The following PARVB variants were observed in gnomAD, a reference collection of about 807,000 sequenced individuals.
The protein encoded by PARVB is parvin beta, also known as beta-parvin.
In PARVB, 46 loss-of-function variants were observed where a neutral mutation model predicts 47.0. The ratio of observed to expected loss-of-function variants is 0.98; its 90% confidence interval spans 0.77 to 1.25. PARVB has a LOEUF of 1.25. Ranked by LOEUF, PARVB falls within the 50% of genes most tolerant of loss-of-function variation. The probability of loss-of-function intolerance (pLI) is 0.00; values close to 1 mark genes in which losing one functional copy is unlikely to be tolerated. For missense variants in PARVB, 473 were observed against 471.6 expected (o/e 1.00, Z -0.03); for synonymous variants, 196 against 196.3 (o/e 1.00, Z 0.01).
chr22:44,034,333 TG>T (rs1242071615), intron 1 of PARVB, among the ~76,000 whole-genome samples: 1 of 91,782 alleles, frequency 1.1e-5, no homozygotes, highest in Non-Finnish European at 2.7e-5. Context: ...TACATATATA[TG>T]TTTGAGATGG....
At chr22:44,045,909 G>A (rs1320142174) in intron 1 of PARVB, among the ~76,000 whole-genome samples, 2 of 152,146 alleles carry the variant, frequency 1.3e-5, no homozygotes, top group African/African-American at 4.8e-5. Context: ...GATCCCTCGA[G>A]ATTCCGTATG....
chr22:44,034,706 CTT>C lies in PARVB; in HGVS notation c.112+10276_112+10277del, dbSNP rs34429203. On this transcript the variant is annotated intron_variant, in intron 1 of 12. Transcript: ENST00000338758. ...CATGCAGTCAGAAATCCACGTGTAA[CTT>C]TTTTTTTTTTTTTTTTTTTTGAGAC... 5.9e-3 allele frequency among the ~76,000 whole-genome samples: 630 copies of C among 107,552 alleles called. 26 individuals are homozygous for C. In the East Asian group the frequency reaches 0.12, roughly 20 times the overall value. The allele number at this position is 107,552 out of a possible 152,430, so 70.6% of individuals were successfully genotyped here. A position where few individuals can be genotyped will look rare whatever the true frequency, so the allele number is the denominator to read the frequency against.
intron 1 of PARVB, among the ~76,000 whole-genome samples, chr22:44,067,810 C>G (rs1020762697): frequency 6.6e-6 from 1 of 152,242 alleles, no homozygotes; most frequent in African/African-American, 2.4e-5. Context: ...TGGGGACCTG[C>G]ATTAGTGCTG....
At chr22:44,000,119 C>T (rs2050399685) in intron 2 of PARVB, among the ~76,000 whole-genome samples, 1 of 152,226 alleles carries the variant, frequency 6.6e-6, no homozygotes, top group Non-Finnish European at 1.5e-5. Context: ...GGTTTTTCTT[C>T]TACCAAAGGA....
rs991691296 is a variant in PARVB at position 44,170,676 on chromosome 22, GC to G, written c.*2006del. On this transcript the variant is annotated 3_prime_UTR_variant, in exon 13 of 13. Coordinates refer to ENST00000338758, the MANE Select transcript of PARVB (RefSeq NM_013327.5). ...GTCGCAGTCAGTCCCTCGCTGTGGCGCCCCCCCCTCCCCCAGCTCCTTCCCA... is the reference window on the plus strand; with the variant it reads ...GTCGCAGTCAGTCCCTCGCTGTGGCGCCCCCCCTCCCCCAGCTCCTTCCCA... 2.3e-5 allele frequency: 3 copies of G among 132,304 alleles called. No homozygotes were observed. Among genetic ancestry groups the G allele is most frequent in the South Asian group, 2.2e-4 (1 of 4,550 alleles). The allele number at this position is 132,304 out of a possible 1,614,324, so 8.2% of individuals were successfully genotyped here.
Position 44,089,614 on chromosome 22 carries a change from C to T in PARVB, c.113-4314C>T, listed in dbSNP as rs953558917. 2.8e-4 allele frequency: 8 copies of T among 28,650 alleles called. No homozygotes were observed. Among genetic ancestry groups the T allele is most frequent in the East Asian group, 8.4e-4 (1 of 1,196 alleles). The allele number at this position is 28,650 out of a possible 1,614,324, so 1.8% of individuals were successfully genotyped here. ...CAGTAAACTGGCACCGTTCAGGTGG[C>T]GGGGGGGTCGGGGGAGGGGGGAAGC... On this transcript the variant is annotated intron_variant, in intron 1 of 12. Transcript: ENST00000338758. The surrounding 1 kb of genome is among the most constrained non-coding windows in gnomAD (Gnocchi z 4.0).
chr22:44,072,366 C>T (rs919781423), intron 1 of PARVB, among the ~76,000 whole-genome samples: 10 of 152,122 alleles, frequency 6.6e-5, no homozygotes, highest in Middle Eastern at 3.2e-3. Context: ...AGTTGGGCAT[C>T]AGATAGGACA....
At chr22:44,034,835 C>G (rs1167709326) in intron 1 of PARVB, among the ~76,000 whole-genome samples, 1 of 151,436 alleles carries the variant, frequency 6.6e-6, no homozygotes, top group Non-Finnish European at 1.5e-5. Context: ...CTCAGCTTCC[C>G]GAGTAGCTGG....
chr22:44,163,091 CA>C (rs2054087995), intron 11 of PARVB, among the ~76,000 whole-genome samples: 1 of 152,074 alleles, frequency 6.6e-6, no homozygotes, highest in Non-Finnish European at 1.5e-5. Flanking sequence ...CAGGTCTTTA[CA>C]GCCCTTCCTG....
chr22:44,011,512 G>A (rs1248831714), intron 2 of PARVB, among the ~76,000 whole-genome samples: 1 of 152,116 alleles, frequency 6.6e-6, no homozygotes, highest in Admixed American at 6.6e-5. Context: ...TCGGGAGGCT[G>A]AGGCAAGAAC....
chr22:44,095,180 A>G (rs2052271964), intron 2 of PARVB, among the ~76,000 whole-genome samples: 1 of 152,094 alleles, frequency 6.6e-6, no homozygotes, highest in Non-Finnish European at 1.5e-5. Context: ...ATCTCTCCAG[A>G]GTCAGCAAGG....
At chr22:44,055,224 TG>T (rs754412805) in intron 1 of PARVB, among the ~76,000 whole-genome samples, 6 of 152,188 alleles carry the variant, frequency 3.9e-5, no homozygotes, top group Non-Finnish European at 5.9e-5. Context: ...CCGTACCTCC[TG>T]TGCGCCTCCC....
chr22:44,102,451 C>T (rs928459804), intron 3 of PARVB, among the ~76,000 whole-genome samples: 3 of 152,206 alleles, frequency 2.0e-5, no homozygotes, highest in African/African-American at 7.2e-5. Flanking sequence ...TTGAGCAATG[C>T]TTGAGAGTTC....
At chr22:44,164,138 T>G (rs1011232395) in intron 12 of PARVB, among the ~76,000 whole-genome samples, 3 of 152,198 alleles carry the variant, frequency 2.0e-5, no homozygotes, top group African/African-American at 7.2e-5. Context: ...GCAGTGCCGG[T>G]TCTTTAATAA....
intron 1 of PARVB, among the ~76,000 whole-genome samples, chr22:44,042,951 G>A (rs1490243264): frequency 6.6e-6 from 1 of 152,204 alleles, no homozygotes; most frequent in African/African-American, 2.4e-5. Flanking sequence ...ACTTGTGTTT[G>A]TTTAAGGTTT....
At position 44,170,796 on chromosome 22, in the gene PARVB, T is replaced by C. The variant is rs1211094833; in HGVS notation, c.*2118T>C. On this transcript the variant is annotated 3_prime_UTR_variant, in exon 13 of 13. Transcript: ENST00000338758. Reference sequence around the variant, plus strand: ...GCATTCTCCGTAGTGAGCCTGGCCTTTCTGATCTTGTTAGCTTTTTGTCTT... The same window carrying C: ...GCATTCTCCGTAGTGAGCCTGGCCTCTCTGATCTTGTTAGCTTTTTGTCTT... The C allele has an allele frequency of 6.6e-6, 1 of 152,242 alleles. No individual in the cohort carries two copies. The highest frequency in any genetic ancestry group is 1.5e-5 in the Non-Finnish European group (1 of 68,040). 9.4% of individuals were successfully genotyped at this position (152,242 alleles called of 1,614,324 possible). A position where few individuals can be genotyped will look rare whatever the true frequency, so the allele number is the denominator to read the frequency against.
intron 10 of PARVB, among the ~76,000 whole-genome samples, chr22:44,154,542 T>TGTGTGTGTGTGTGTGGTTTATGTAGTCTG (rs1207127563): frequency 3.3e-5 from 5 of 150,116 alleles, no homozygotes; most frequent in Non-Finnish European, 5.9e-5. Flanking sequence ...TGGGTGTGTG[T>TGTGTGTGTGTGTGTGGTTTATGTAGTCTG]GTGTGTGTGT....
At chr22:44,033,525 G>T (rs1477465592) in intron 1 of PARVB, among the ~76,000 whole-genome samples, 1 of 152,150 alleles carries the variant, frequency 6.6e-6, no homozygotes, top group Non-Finnish European at 1.5e-5. Context: ...TCTCTGAGTG[G>T]GAGTTCTTTA....
At chr22:44,002,322 A>G (rs541720697) in intron 2 of PARVB, among the ~76,000 whole-genome samples, 1 of 152,330 alleles carries the variant, frequency 6.6e-6, no homozygotes, top group African/African-American at 2.4e-5. Flanking sequence ...CTTGCAATAG[A>G]GTAATTGTGA....
Sources: gnomAD v4.1 joint callset for allele counts (sites outside exome capture counted in the v4.1 genomes callset) on GRCh38, gnomAD v4.1.1 for gene constraint, Gnocchi (gnomAD v3.1) non-coding constraint, MANE v1.5 for transcripts, NCBI Gene and HGNC (gene_info 2026-07-23, HGNC 2026-07-21) for gene names.